The following CRISPLD2 variants were observed in gnomAD, a reference collection of about 807,000 sequenced individuals.
CRISPLD2 encodes the protein cysteine rich secretory protein LCCL domain containing 2.
Under a neutral mutation model 71.1 loss-of-function variants are expected in CRISPLD2, and 47 were observed. The ratio of observed to expected loss-of-function variants is 0.66; its 90% CI spans 0.52 to 0.84. The LOEUF is 0.84. Among genes scored for constraint, CRISPLD2 ranks in the 40% least tolerant of loss-of-function variants. The probability of loss-of-function intolerance (pLI) is 0.00; values close to 1 mark genes in which losing one functional copy is unlikely to be tolerated. For synonymous variants in CRISPLD2, 317 were observed against 250.1 expected (o/e 1.27, Z -2.52); for missense variants, 830 against 651.1 (o/e 1.27, Z -2.99).
chr16:84,891,807 C>T (rs1382002036), intron 14 of CRISPLD2, among the ~76,000 whole-genome samples: 1 of 152,130 alleles, frequency 6.6e-6, no homozygotes, highest in East Asian at 1.9e-4. Context: ...GCAGCTTTCC[C>T]ACCCGCCCCA....
intron 11 of CRISPLD2, among the ~76,000 whole-genome samples, chr16:84,874,398 G>A (rs1324154207): frequency 6.6e-6 from 1 of 152,230 alleles, no homozygotes; most frequent in African/African-American, 2.4e-5. Flanking sequence ...GTGAAGGGAA[G>A]TGTGTGGCAC....
chr16:84,876,287 A>G (rs1185814771), intron 11 of CRISPLD2, among the ~76,000 whole-genome samples: 2 of 152,196 alleles, frequency 1.3e-5, no homozygotes, highest in Admixed American at 6.5e-5. Context: ...GGGTCACCTG[A>G]GGTCAGGAGT....
chr16:84,826,611 A>G (rs1449014992), intron 1 of CRISPLD2, among the ~76,000 whole-genome samples: 1 of 152,132 alleles, frequency 6.6e-6, no homozygotes, highest in Non-Finnish European at 1.5e-5. Context: ...CCGGGAGGGA[A>G]GACACGGTTT....
intron 14 of CRISPLD2, among the ~76,000 whole-genome samples, chr16:84,900,700 C>A (rs557142789): frequency 6.6e-6 from 1 of 152,222 alleles, no homozygotes; most frequent in South Asian, 2.1e-4. Flanking sequence ...CACTCTCAGG[C>A]ACCCTCACAC....
chr16:84,856,188 C>A (rs549034019), intron 6 of CRISPLD2, among the ~76,000 whole-genome samples: 1 of 152,208 alleles, frequency 6.6e-6, no homozygotes. Context: ...TGTAGTCCTG[C>A]CTGGATTAGG....
chr16:84,867,629 T>C (rs371640689), intron 7 of CRISPLD2, among the ~76,000 whole-genome samples: 5 of 152,312 alleles, frequency 3.3e-5, no homozygotes, highest in African/African-American at 1.2e-4. Flanking sequence ...TCCAGTGGCA[T>C]GATCTCGGCT....
chr16:84,838,369 G>A (rs1332238204), intron 1 of CRISPLD2, 53 bp from the exon 2 acceptor site: 3 of 1,185,396 alleles, frequency 2.5e-6, no homozygotes, highest in African/African-American at 3.1e-5. Flanking sequence ...AGCCAGCGCT[G>A]TGACCGGCTC....
chr16:84,888,550 G>C (rs139263629), intron 13 of CRISPLD2, among the ~76,000 whole-genome samples: 1 of 152,102 alleles, frequency 6.6e-6, no homozygotes, highest in Non-Finnish European at 1.5e-5. Flanking sequence ...TGCTCCCTTG[G>C]TACCTAGAAT....
At position 84,872,518 on chromosome 16, in the gene CRISPLD2, G is replaced by C. The variant is rs1186041110; in HGVS notation, c.981+10G>C. 31 of 1,611,002 alleles carry C rather than the reference G, an allele frequency of 1.9e-5. No individual in the cohort carries two copies. The highest frequency in any genetic ancestry group is 2.5e-5 in the Non-Finnish European group (30 of 1,177,838). ...TCTGTTCTATGAAAGCGTGAGTGTGGCCAGTCCTCCTCTCAATGGCTTGTG... is the reference window on the plus strand; with the variant it reads ...TCTGTTCTATGAAAGCGTGAGTGTGCCCAGTCCTCCTCTCAATGGCTTGTG... On this transcript the variant is annotated intron_variant, in intron 9 of 14. Transcript: ENST00000262424.
At chr16:84,884,684 C>G (rs574650350) in intron 13 of CRISPLD2, among the ~76,000 whole-genome samples, 1 of 152,136 alleles carries the variant, frequency 6.6e-6, no homozygotes, top group African/African-American at 2.4e-5. Flanking sequence ...ATATTGATAA[C>G]GGGGCGGTAC....
At chr16:84,854,650 C>A in intron 5 of CRISPLD2, 79 bp from the exon 6 acceptor site, 2 of 1,019,088 alleles carry the variant, frequency 2.0e-6, no homozygotes, top group Non-Finnish European at 3.1e-6. Flanking sequence ...CAGGGACTCA[C>A]GTGGGCCTTG....
intron 1 of CRISPLD2, among the ~76,000 whole-genome samples, chr16:84,826,617 G>T (rs142066070): frequency 6.6e-5 from 10 of 152,010 alleles, no homozygotes; most frequent in Admixed American, 4.6e-4. Flanking sequence ...GGGAAGACAC[G>T]GTTTATTCCC....
Position 84,865,084 on chromosome 16 carries a change from G to T in CRISPLD2, c.710-1813G>T, listed in dbSNP as rs2968141. Among the ~76,000 whole-genome samples, 571 of 152,206 alleles carry T rather than the reference G, an allele frequency of 3.8e-3. 8 individuals are homozygous for T. The highest frequency in any genetic ancestry group is 0.012 in the African/African-American group (510 of 41,540). On this transcript the variant is annotated intron_variant, in intron 6 of 14. Transcript: ENST00000262424. ...CACAAAATACTTGCTGTGTCCTTTA[G>T]CAAAGAAAGCTCATGTATTTTAAGA...
rs1051125626 is a variant in CRISPLD2, at chr16:84,869,925, A to T, written c.914+1014A>T. Among the ~76,000 whole-genome samples, 10 of 152,112 alleles carry T rather than the reference A, an allele frequency of 6.6e-5. 1 individual carries two copies. The highest frequency in any genetic ancestry group is 1.7e-4 in the African/African-American group (7 of 41,358). On this transcript the variant is annotated intron_variant, in intron 8 of 14. Coordinates refer to ENST00000262424, the MANE Select transcript of CRISPLD2 (RefSeq NM_031476.4). ...TGTCAGACAACATCGAGGCAGTTCC[A>T]GAGTTGGGGTGGGTGGGGCACTCCC... is the stretch of plus-strand genomic sequence containing the variant.
At chr16:84,900,840 C>T (rs983472832) in intron 14 of CRISPLD2, among the ~76,000 whole-genome samples, 4 of 152,078 alleles carry the variant, frequency 2.6e-5, no homozygotes, top group Admixed American at 2.0e-4. Flanking sequence ...TTGCTTGAGC[C>T]CAGGAGTTCG....
At position 84,880,556 on chromosome 16, in the gene CRISPLD2, C is replaced by G. The variant is rs369151118; in HGVS notation, c.1277C>G (p.Pro426Arg). The G allele has an allele frequency of 5.0e-6, 8 of 1,613,858 alleles. No homozygotes were observed. The highest frequency in any genetic ancestry group is 6.8e-6 in the Non-Finnish European group (8 of 1,179,862). Residue 426 changes from proline (P) to arginine (R), a missense_variant, in exon 13 of 15, where the codon CCG becomes CGG. By Grantham distance (103) the Pro-to-Arg change is moderately radical (BLOSUM62 -2). Transcript: ENST00000262424. ...AAAGACGAACCTTCCTACTGGGCTC[C>G]GGTGTTTGGAACCAACATCTATGCA... is the stretch of plus-strand genomic sequence containing the variant. Reference protein sequence around the residue: ...HCKDEPSYWAPVFGTNIYADT... With the variant: ...HCKDEPSYWARVFGTNIYADT...
intron 11 of CRISPLD2, 65 bp downstream of exon 11, chr16:84,874,028 C>A (rs1223681656): frequency 1.4e-5 from 20 of 1,387,120 alleles, no homozygotes; most frequent in Middle Eastern, 3.7e-4. Context: ...CTGGAAATTT[C>A]ACTTCCTTTA....
intron 1 of CRISPLD2, chr16:84,836,510 A>G (rs1916624480): frequency 6.6e-6 from 1 of 152,178 alleles, no homozygotes; most frequent in South Asian, 2.1e-4. Flanking sequence ...GCCCTGCTAC[A>G]AAGCAAGCCA....
chr16:84,896,055 T>G (rs2071703063), intron 14 of CRISPLD2, among the ~76,000 whole-genome samples: 1 of 151,440 alleles, frequency 6.6e-6, no homozygotes. Context: ...TTTTTTTTTT[T>G]GGAGATGGAG....
Sources: gnomAD v4.1 joint callset for allele counts (sites outside exome capture counted in the v4.1 genomes callset) on GRCh38, gnomAD v4.1.1 for gene constraint, MANE v1.5 for transcripts, NCBI Gene and HGNC (gene_info 2026-07-23, HGNC 2026-07-21) for gene names.